Variants in SCN4A observed in about 807,000 individuals in gnomAD.
SCN4A encodes the protein sodium channel protein type 4 subunit alpha.
In SCN4A, 83 loss-of-function variants were observed where a neutral mutation model predicts 162.0. The observed-to-expected ratio is 0.51, with a 90% CI of 0.43 to 0.61. The LOEUF (loss-of-function observed/expected upper bound fraction) is 0.61. SCN4A is among the 20% of genes least tolerant of loss of function. The probability of loss-of-function intolerance (pLI) is 0.00; values close to 1 mark genes in which losing one functional copy is unlikely to be tolerated. For synonymous variants in SCN4A, 944 were observed against 985.1 expected (o/e 0.96, Z 0.78); for missense variants, 2,196 against 2,462.5 (o/e 0.89, Z 2.29).
In SCN4A at chr17:63,952,198, CT is replaced by C. The variant is rs566410650; in HGVS notation, c.2377-299del. On this transcript the variant is annotated intron_variant, in intron 13 of 23. Transcript: ENST00000435607. ...TCTCTCCATGACTGTCCTTTTTTTT[CT>C]TTTTTTTTTTTCGAGATGGAGGAGT... 1.7e-3 allele frequency among the ~76,000 whole-genome samples: 247 copies of C among 144,592 alleles called. 5 individuals are homozygous for C. In the East Asian group the frequency reaches 0.029, roughly 17 times the overall value. The allele number at this position is 144,592 out of a possible 152,430, so 94.9% of individuals were successfully genotyped here. A position where few individuals can be genotyped will look rare whatever the true frequency, so the allele number is the denominator to read the frequency against.
At chr17:63,942,303 CAG>C (rs981527515) in intron 23 of SCN4A, among the ~76,000 whole-genome samples, 5 of 135,284 alleles carry the variant, frequency 3.7e-5, no homozygotes, top group African/African-American at 7.8e-5. Context: ...GTGAAAGAGA[CAG>C]AGAGAGAGAG....
intron 14 of SCN4A, 126 bp from the exon 15 acceptor site, chr17:63,949,654 T>C (rs781543996): frequency 3.7e-4 from 406 of 1,107,862 alleles, no homozygotes; most frequent in Non-Finnish European, 5.0e-4. Flanking sequence ...AACTCATCCA[T>C]TCATTCATTC....
chr17:63,943,847 CT>C lies in SCN4A; in HGVS notation c.3915del (p.Asp1309ThrfsTer4). ...TCCGTCATAAAGATGTCTTTCCCCC[CT>C]AAGTATAGTGGGATAGGGCTTGTCA... ...IDNFNQQKKK[L>X]GGKDIFMTEE... is the part of the protein sequence containing the mutation. On this transcript the variant is annotated frameshift_variant and splice_region_variant, in exon 22 of 24. Transcript: ENST00000435607. LOFTEE classifies it high-confidence loss of function. 1 of 1,599,380 alleles carries C rather than the reference CT, an allele frequency of 6.3e-7. No homozygotes were observed. The highest frequency in any genetic ancestry group is 1.1e-5 in the South Asian group (1 of 90,756).
At chr17:63,961,458 T>G in intron 10 of SCN4A, 27 bp from the exon 11 acceptor site, 1 of 1,544,360 alleles carries the variant, frequency 6.5e-7, no homozygotes, top group Non-Finnish European at 8.9e-7. Flanking sequence ...AGCAGGTATC[T>G]GGTGAGGATT....
intron 18 of SCN4A, among the ~76,000 whole-genome samples, chr17:63,946,222 T>A (rs1448061297): frequency 6.6e-6 from 1 of 152,084 alleles, no homozygotes; most frequent in Non-Finnish European, 1.5e-5. Flanking sequence ...CCAGGGGAGC[T>A]CTGTTCCTGG....
At position 63,950,178 on chromosome 17, in the gene SCN4A, C is replaced by G. The variant is rs1292918959; in HGVS notation, c.2854-650G>C. ...CCCAGACTCCACCCGGCAGGGGACC[C>G]CTTCAAGGCTGAGGGTGAGGCCTCT... On this transcript the variant is annotated intron_variant, in intron 14 of 23. Transcript: ENST00000435607. This position sits in a 1 kb window ranked among gnomAD's most constrained non-coding sequence, Gnocchi z 4.6. Among the ~76,000 whole-genome samples the G allele has an allele frequency of 1.3e-5, 2 of 152,052 alleles. No individual in the cohort carries two copies. The highest frequency in any genetic ancestry group is 3.9e-4 in the East Asian group (2 of 5,176).
At position 63,972,901 on chromosome 17, in the gene SCN4A, G is replaced by A. The variant is rs1419072448; in HGVS notation, c.-60C>T. 8.6e-6 allele frequency: 13 copies of A among 1,520,084 alleles called. No homozygotes were observed. The Admixed American group carries it at 1.3e-4, about 16-fold the overall frequency. 94.2% of individuals were successfully genotyped at this position (1,520,084 alleles called of 1,614,324 possible). ...TGGGTGGCCTGGGGAGCTGCAGTGC[G>A]CAGCCCCGGGGTGCTGGGCGGCCGC... is the stretch of plus-strand genomic sequence containing the variant. On this transcript the variant is annotated 5_prime_UTR_variant, in exon 1 of 24. Coordinates refer to ENST00000435607, the MANE Select transcript of SCN4A (RefSeq NM_000334.4). The surrounding 1 kb of genome is among the most constrained non-coding windows in gnomAD (Gnocchi z 4.3).
Position 63,947,056 on chromosome 17 carries a change from C to T in SCN4A, c.3430G>A (p.Glu1144Lys), listed in dbSNP as rs751443439. The T allele has an allele frequency of 5.0e-6, 8 of 1,612,560 alleles. No homozygotes were observed. The highest frequency in any genetic ancestry group is 1.3e-5 in the African/African-American group (1 of 75,008). ...CCTTCAGCACCCACCCTCATGCCCT[C>T]GAATCGGGACAGTGCCCTCAGGGGA... ...LRPLRALSRF[E>K]GMRVVVNALL... Residue 1144 changes from glutamate to lysine, a missense_variant, in exon 18 of 24, where the codon GAG (glutamate) becomes AAG (lysine). Coordinates refer to ENST00000435607, the MANE Select transcript of SCN4A (RefSeq NM_000334.4).
rs118047588 is a variant in SCN4A, at chr17:63,942,892, G to A, written c.4222C>T (p.Arg1408Cys). 171 of 1,614,044 alleles carry A rather than the reference G, an allele frequency of 1.1e-4. 1 individual carries two copies. In the African/African-American group the frequency reaches 1.8e-3, roughly 17 times the overall value. Reference sequence around the variant, plus strand: ...CAGCCAACGGTGAAGTAGTACTGGCGCAGGGCGAGCATCTTGAGCACGCAC... The same window carrying A: ...CAGCCAACGGTGAAGTAGTACTGGCACAGGGCGAGCATCTTGAGCACGCAC... Reference protein sequence around the residue: ...GECVLKMLALRQYYFTVGWNI... With the variant: ...GECVLKMLALCQYYFTVGWNI... The change falls in exon 23 of 24, where the codon CGC becomes TGC. Residue 1408 changes from arginine to cysteine, a missense_variant. Physicochemically the swap from Arg to Cys is radical, Grantham distance 180 (BLOSUM62 -3). Transcript: ENST00000435607.
At chr17:63,954,983 C>T (rs1268801930) in intron 13 of SCN4A, among the ~76,000 whole-genome samples, 1 of 152,148 alleles carries the variant, frequency 6.6e-6, no homozygotes, top group Non-Finnish European at 1.5e-5. Context: ...CCAGCGCGCC[C>T]CTCACAGGTG....
At chr17:63,960,845 G>C (rs1909224120) in intron 11 of SCN4A, among the ~76,000 whole-genome samples, 1 of 151,994 alleles carries the variant, frequency 6.6e-6, no homozygotes, top group Non-Finnish European at 1.5e-5. Flanking sequence ...GGACAGACTT[G>C]TCAGCTAGCC....
intron 6 of SCN4A, 77 bp downstream of exon 6, chr17:63,967,946 A>AT (rs1434855233): frequency 7.7e-7 from 1 of 1,294,840 alleles, no homozygotes; most frequent in East Asian, 2.3e-5. Flanking sequence ...AAAAAAAAAA[A>AT]AAGAAAATGT....
intron 18 of SCN4A, among the ~76,000 whole-genome samples, chr17:63,946,479 G>A (rs886844988): frequency 9.7e-5 from 6 of 62,046 alleles, no homozygotes; most frequent in East Asian, 1.1e-3. Context: ...CCCCCACCCC[G>A]CCGCAACCCT....
At chr17:63,948,144 G>C in intron 16 of SCN4A, 81 bp from the exon 17 acceptor site, 1 of 1,206,742 alleles carries the variant, frequency 8.3e-7, no homozygotes, top group Admixed American at 2.6e-5. Context: ...GCTCTATGCT[G>C]CTGGTTCCCG....
intron 8 of SCN4A, among the ~76,000 whole-genome samples, chr17:63,964,936 T>C (rs1567826385): frequency 6.6e-6 from 1 of 152,222 alleles, no homozygotes; most frequent in African/African-American, 2.4e-5. Context: ...AGAGCCAGGA[T>C]AGAAAATTGG....
Position 63,972,449 on chromosome 17 carries a change from C to T in SCN4A, c.295G>A (p.Gly99Ser). 6.2e-7 allele frequency: 1 copy of T among 1,613,798 alleles called. No homozygotes were observed. Among genetic ancestry groups the T allele is most frequent in the African/African-American group, 1.3e-5 (1 of 74,978 alleles). Residue 99 changes from glycine (G) to serine (S), a missense_variant, in exon 2 of 24, where the codon GGC becomes AGC. Transcript: ENST00000435607. The surrounding 1 kb of genome is among the most constrained non-coding windows in gnomAD (Gnocchi z 4.3). The stretch of plus-strand genomic sequence containing the variant: ...GCGGAGAAGCGGAAGATGGCCTTGC[C>T]CTTGTTGAGTACGATGAAGGTCTAA... Reference protein sequence around the residue: ...NKKTFIVLNKGKAIFRFSATP... With the variant: ...NKKTFIVLNKSKAIFRFSATP...
intron 13 of SCN4A, among the ~76,000 whole-genome samples, 167 bp downstream of exon 13, chr17:63,956,995 C>T (rs1909088026): frequency 6.6e-6 from 1 of 152,222 alleles, no homozygotes; most frequent in South Asian, 2.1e-4. Context: ...TTAAGTAACT[C>T]CTAAGTGATT....
rs759412223 is a variant in SCN4A at position 63,941,257 on chromosome 17, G to T, written c.5025C>A (p.His1675Gln). Residue 1675 changes from histidine to glutamine, a missense_variant, in exon 24 of 24, where the codon CAC becomes CAA. Coordinates refer to ENST00000435607, the MANE Select transcript of SCN4A (RefSeq NM_000334.4). The surrounding 1 kb of genome is among the most constrained non-coding windows in gnomAD (Gnocchi z 6.2). ...TCAGGGCAAAGAGGATGTCCAGGCAGTGGATCTTGTCCCCTGGCACCATGG... is the reference window on the plus strand; with the variant it reads ...TCAGGGCAAAGAGGATGTCCAGGCATTGGATCTTGTCCCCTGGCACCATGG... ...DLPMVPGDKI[H>Q]CLDILFALTK... 2 of 1,613,930 alleles carry T rather than the reference G, an allele frequency of 1.2e-6. No individual in the cohort carries two copies. The highest frequency in any genetic ancestry group is 1.7e-6 in the Non-Finnish European group (2 of 1,179,878).
At chr17:63,964,720 C>T (rs758979868) in intron 8 of SCN4A, 43 bp from the exon 9 acceptor site, 15 of 1,489,564 alleles carry the variant, frequency 1.0e-5, no homozygotes, top group Non-Finnish European at 1.4e-5. Flanking sequence ...CCATGACGTC[C>T]ACCTCCTTTG....
Sources: allele counts gnomAD v4.1 joint callset (sites outside exome capture counted in the v4.1 genomes callset), GRCh38; gene constraint gnomAD v4.1.1; non-coding constraint Gnocchi (gnomAD v3.1); transcripts MANE v1.5; gene names NCBI Gene and HGNC (gene_info 2026-07-23, HGNC 2026-07-21).